DPP10: variants seen among roughly 807,000 people sequenced by gnomAD.
DPP10 encodes the protein inactive dipeptidyl peptidase 10.
In DPP10, 33 loss-of-function variants were observed where a neutral mutation model predicts 120.9. The observed-to-expected ratio is 0.27, with a 90% CI of 0.21 to 0.37. DPP10 has a LOEUF of 0.37. Ranked by LOEUF, DPP10 falls within the 10% of genes least tolerant of loss-of-function variation. The pLI, the probability that DPP10 is intolerant of heterozygous loss-of-function variation, is 1.00. For synonymous variants in DPP10, 337 were observed against 326.1 expected (o/e 1.03, Z -0.36); for missense variants, 816 against 942.8 (o/e 0.87, Z 1.76).
At chr2:114,693,060 G>C (rs2105778596) in intron 1 of DPP10, among the ~76,000 whole-genome samples, 1 of 152,066 alleles carries the variant, frequency 6.6e-6, no homozygotes, top group South Asian at 2.1e-4. Context: ...TTTAATTGGG[G>C]CATTAAGCCC....
intron 1 of DPP10, among the ~76,000 whole-genome samples, chr2:114,748,369 T>G (rs1254644177): frequency 4.6e-5 from 6 of 129,206 alleles, no homozygotes; most frequent in African/African-American, 1.8e-4. Flanking sequence ...TTATTTTATT[T>G]ATTTATTTAT....
At chr2:114,524,137 T>C (rs1174896017) in intron 1 of DPP10, among the ~76,000 whole-genome samples, 2 of 152,228 alleles carry the variant, frequency 1.3e-5, no homozygotes, top group Non-Finnish European at 2.9e-5. Context: ...TTAGCAAATG[T>C]GGATGTAGGC....
Position 115,215,733 on chromosome 2 carries a change from A to G in DPP10, c.61-93506A>G, listed in dbSNP as rs539605307. ...TCAAATAACCAAAAATAGAATTATC[A>G]TATAATCCAGCAATCCCATTACTGG... On this transcript the variant is annotated intron_variant, in intron 1 of 25. Transcript: ENST00000410059. 6.2e-4 allele frequency among the ~76,000 whole-genome samples: 94 copies of G among 152,330 alleles called. 1 individual carries two copies. Among genetic ancestry groups the G allele is most frequent in the Non-Finnish European group, 1.0e-3 (69 of 68,032 alleles).
At chr2:115,162,169 C>A in intron 1 of DPP10, 1 of 1,544,726 alleles carries the variant, frequency 6.5e-7, no homozygotes, top group Non-Finnish European at 8.7e-7. Flanking sequence ...CCAGGCTCTC[C>A]TGCTTCTCCA....
At chr2:115,781,935 C>T (rs977699083) in intron 16 of DPP10, among the ~76,000 whole-genome samples, 1 of 151,916 alleles carries the variant, frequency 6.6e-6, no homozygotes, top group Non-Finnish European at 1.5e-5. Flanking sequence ...TGAACTATTT[C>T]CAATATGCGT....
chr2:115,719,542 A>G (rs2092591652), intron 7 of DPP10, among the ~76,000 whole-genome samples: 1 of 152,200 alleles, frequency 6.6e-6, no homozygotes, highest in African/African-American at 2.4e-5. Flanking sequence ...CCAAAATGTC[A>G]GAGGTAATCA....
At chr2:115,045,029 C>T (rs930901531) in intron 1 of DPP10, among the ~76,000 whole-genome samples, 29 of 152,170 alleles carry the variant, frequency 1.9e-4, no homozygotes, top group African/African-American at 6.5e-4. Flanking sequence ...TTGATGGATA[C>T]TTTGGTAGAT....
intron 1 of DPP10, among the ~76,000 whole-genome samples, chr2:114,956,640 C>A (rs925904332): frequency 1.3e-5 from 2 of 152,008 alleles, no homozygotes; most frequent in East Asian, 3.9e-4. Context: ...ATGGTAAAAG[C>A]AATTGTAAGC....
chr2:115,623,081 G>A (rs532287858), intron 5 of DPP10, among the ~76,000 whole-genome samples: 56 of 152,054 alleles, frequency 3.7e-4, no homozygotes, highest in Non-Finnish European at 5.6e-4. Context: ...TCCTGACCTC[G>A]TGATCCGCCC....
rs200966452 is a variant in DPP10 at position 115,126,683 on chromosome 2, CTT to C, written c.61-182555_61-182554del. On this transcript the variant is annotated intron_variant, in intron 1 of 25. Coordinates refer to ENST00000410059, the MANE Select transcript of DPP10 (RefSeq NM_020868.6). ...TTCTTGCTGTTCCGATGCTCTCTCTCTTGTTTCTTTTTGAGTGTCACAGACAT... is the reference window on the plus strand; with the variant it reads ...TTCTTGCTGTTCCGATGCTCTCTCTCGTTTCTTTTTGAGTGTCACAGACAT... Among the ~76,000 whole-genome samples, 454 of 152,236 alleles carry C rather than the reference CTT, an allele frequency of 3.0e-3. 1 individual carries two copies. The highest frequency in any genetic ancestry group is 5.6e-3 in the African/African-American group (234 of 41,544).
rs564607488 is a variant in DPP10 at position 115,797,635 on chromosome 2, A to G, written c.1700+6279A>G. Among the ~76,000 whole-genome samples, 14 of 152,192 alleles carry G rather than the reference A, an allele frequency of 9.2e-5. 1 individual carries two copies. The South Asian group carries it at 2.9e-3, about 31-fold the overall frequency. On this transcript the variant is annotated intron_variant, in intron 19 of 25. Coordinates refer to ENST00000410059, the MANE Select transcript of DPP10 (RefSeq NM_020868.6). The stretch of plus-strand genomic sequence containing the variant: ...AGAATGTACCCACACTGTAATACAT[A>G]GAAAATGACTAAGAAGAAAAAAGGC...
At chr2:114,949,092 T>A (rs1237023520) in intron 1 of DPP10, among the ~76,000 whole-genome samples, 2 of 151,986 alleles carry the variant, frequency 1.3e-5, no homozygotes, top group African/African-American at 4.8e-5. Flanking sequence ...ACCCGGCTAA[T>A]TTTTGTATTT....
chr2:115,704,784 A>G (rs2092035154), intron 7 of DPP10, among the ~76,000 whole-genome samples: 1 of 152,040 alleles, frequency 6.6e-6, no homozygotes, highest in Non-Finnish European at 1.5e-5. Flanking sequence ...CCATATATCA[A>G]TATAACAAGC....
intron 1 of DPP10, among the ~76,000 whole-genome samples, chr2:115,023,312 C>G (rs1047000683): frequency 6.6e-6 from 1 of 150,990 alleles, no homozygotes; most frequent in Non-Finnish European, 1.5e-5. Context: ...AGAAACAATC[C>G]CATCTAAGAG....
chr2:115,799,841 A>T (rs533317214), intron 19 of DPP10, among the ~76,000 whole-genome samples: 52 of 151,968 alleles, frequency 3.4e-4, no homozygotes, highest in African/African-American at 1.2e-3. Context: ...TCGTTGTTGG[A>T]CATTTAGGTT....
At chr2:115,219,760 A>G (rs2057038545) in intron 1 of DPP10, among the ~76,000 whole-genome samples, 1 of 152,228 alleles carries the variant, frequency 6.6e-6, no homozygotes, top group Non-Finnish European at 1.5e-5. Flanking sequence ...ACTAGCCAAC[A>G]TCTCACAGAG....
intron 1 of DPP10, among the ~76,000 whole-genome samples, chr2:115,010,280 C>G (rs1482187781): frequency 1.3e-5 from 2 of 152,164 alleles, no homozygotes; most frequent in Non-Finnish European, 2.9e-5. Context: ...GGCACAGTTG[C>G]TATCTATCCA....
chr2:114,834,812 C>A (rs1313631622), intron 1 of DPP10, among the ~76,000 whole-genome samples: 13 of 141,628 alleles, frequency 9.2e-5, no homozygotes, highest in African/African-American at 3.0e-4. Flanking sequence ...TATATATAAG[C>A]CATGTCTACA....
intron 1 of DPP10, among the ~76,000 whole-genome samples, chr2:115,127,102 T>C (rs2104766160): frequency 6.6e-6 from 1 of 152,336 alleles, no homozygotes; most frequent in African/African-American, 2.4e-5. Context: ...TAAGATTTTC[T>C]ACCAGAGAGG....
Sources: allele counts gnomAD v4.1 joint callset (sites outside exome capture counted in the v4.1 genomes callset), GRCh38; gene constraint gnomAD v4.1.1; transcripts MANE v1.5; gene names NCBI Gene and HGNC (gene_info 2026-07-23, HGNC 2026-07-21).